The following CACNA2D3 variants were observed in gnomAD, a reference collection of about 807,000 sequenced individuals.
CACNA2D3 encodes the protein voltage-dependent calcium channel subunit alpha-2/delta-3.
Under a neutral mutation model 160.6 loss-of-function variants are expected in CACNA2D3, and 60 were observed. The ratio of observed to expected loss-of-function variants is 0.37; its 90% CI spans 0.30 to 0.46. The LOEUF (loss-of-function observed/expected upper bound fraction) is 0.46. Ranked by LOEUF, CACNA2D3 falls within the 20% of genes least tolerant of loss-of-function variation. CACNA2D3 has a pLI of 1.00. For synonymous variants in CACNA2D3, 558 were observed against 492.9 expected (o/e 1.13, Z -1.75); for missense variants, 1,205 against 1,365.0 (o/e 0.88, Z 1.85).
At chr3:54,949,726 G>C (rs889907633) in intron 27 of CACNA2D3, among the ~76,000 whole-genome samples, 2 of 152,172 alleles carry the variant, frequency 1.3e-5, no homozygotes, top group Admixed American at 6.5e-5. Context: ...AACTGGTTTT[G>C]CAGGGGCACA....
intron 27 of CACNA2D3, among the ~76,000 whole-genome samples, chr3:54,942,349 T>C (rs1701493077): frequency 1.3e-5 from 2 of 152,220 alleles, no homozygotes; most frequent in Admixed American, 6.5e-5. Context: ...CCCTGAGTTC[T>C]GCCATCCCCT....
At chr3:55,037,549 A>AG (rs1703850917) in intron 35 of CACNA2D3, among the ~76,000 whole-genome samples, 1 of 152,204 alleles carries the variant, frequency 6.6e-6, no homozygotes, top group African/African-American at 2.4e-5. Context: ...GATAAACCAA[A>AG]GCCAGGATGC....
At chr3:54,232,402 A>G (rs755378377) in intron 2 of CACNA2D3, among the ~76,000 whole-genome samples, 51 of 152,182 alleles carry the variant, frequency 3.4e-4, no homozygotes, top group Non-Finnish European at 4.9e-4. Flanking sequence ...CACTGCTCTC[A>G]TGTCAATACC....
chr3:54,814,974 A>G (rs548659606), intron 13 of CACNA2D3, among the ~76,000 whole-genome samples: 52 of 152,320 alleles, frequency 3.4e-4, no homozygotes, highest in African/African-American at 1.1e-3. Flanking sequence ...CGACACAAAC[A>G]CTTTCCTAAG....
At chr3:54,588,488 G>T (rs960243241) in intron 9 of CACNA2D3, among the ~76,000 whole-genome samples, 2 of 152,060 alleles carry the variant, frequency 1.3e-5, no homozygotes, top group African/African-American at 4.8e-5. Context: ...AGGCATACGG[G>T]TTACAAAGGA....
intron 3 of CACNA2D3, among the ~76,000 whole-genome samples, chr3:54,375,568 A>C (rs1197205293): frequency 6.6e-6 from 1 of 152,132 alleles, no homozygotes; most frequent in Non-Finnish European, 1.5e-5. Flanking sequence ...GCAGGATGAC[A>C]GAGACAAGTT....
chr3:55,000,847 A>T (rs1308833712), intron 31 of CACNA2D3, among the ~76,000 whole-genome samples: 1 of 152,114 alleles, frequency 6.6e-6, no homozygotes, highest in Non-Finnish European at 1.5e-5. Context: ...ACATTCCAAT[A>T]AGACCCTGGG....
chr3:54,362,065 A>G (rs1383860829), intron 3 of CACNA2D3, among the ~76,000 whole-genome samples: 1 of 152,174 alleles, frequency 6.6e-6, no homozygotes, highest in Non-Finnish European at 1.5e-5. Context: ...CAACACCACA[A>G]TTAGTAGGCA....
intron 3 of CACNA2D3, among the ~76,000 whole-genome samples, chr3:54,328,537 C>T (rs1211911272): frequency 6.6e-6 from 1 of 152,208 alleles, no homozygotes; most frequent in Non-Finnish European, 1.5e-5. Context: ...CCACCTCGGC[C>T]TCCCAAAGTA....
intron 35 of CACNA2D3, 88 bp downstream of exon 35, chr3:55,018,405 A>T (rs1466534571): frequency 4.0e-6 from 3 of 747,680 alleles, no homozygotes; most frequent in Non-Finnish European, 7.1e-6. Context: ...TTGCAGGCAC[A>T]GTTACACCAA....
intron 5 of CACNA2D3, among the ~76,000 whole-genome samples, chr3:54,551,893 A>G (rs1702163737): frequency 6.6e-6 from 1 of 152,186 alleles, no homozygotes. Flanking sequence ...AAAAGGAAGG[A>G]GTGGGTTCCT....
At chr3:54,761,421 A>T (rs963170639) in intron 12 of CACNA2D3, among the ~76,000 whole-genome samples, 1 of 152,214 alleles carries the variant, frequency 6.6e-6, no homozygotes, top group Admixed American at 6.5e-5. Context: ...TAAAGAAGAG[A>T]TGAAATATTT....
At chr3:54,880,942 C>CAAG in intron 21 of CACNA2D3, 79 bp downstream of exon 21, 1 of 1,225,216 alleles carries the variant, frequency 8.2e-7, no homozygotes, top group Non-Finnish European at 1.2e-6. Context: ...AGCTGAAGAA[C>CAAG]TTGTTCATCT....
intron 17 of CACNA2D3, among the ~76,000 whole-genome samples, chr3:54,850,226 T>C (rs550696052): frequency 2.6e-5 from 4 of 152,282 alleles, no homozygotes; most frequent in Non-Finnish European, 5.9e-5. Context: ...CTCAGTCCTG[T>C]GTTAGACTGA....
In CACNA2D3 at chr3:54,368,693, C is replaced by CTTTTTTT. The variant is rs33976949; in HGVS notation, c.322-18002_322-17996dup. ...CAAGGTAATATTTGGGGGTAGGGTT[C>CTTTTTTT]TTTTTTTTTTTTTTTTTTTTTTTTT... On this transcript the variant is annotated intron_variant, in intron 3 of 37. Coordinates refer to ENST00000474759, the MANE Select transcript of CACNA2D3 (RefSeq NM_018398.3). 8.4e-5 allele frequency among the ~76,000 whole-genome samples: 6 copies of CTTTTTTT among 71,538 alleles called. 1 individual carries two copies. The highest frequency in any genetic ancestry group is 1.3e-4 in the Non-Finnish European group (5 of 37,896). The allele number at this position is 71,538 out of a possible 152,430, so 46.9% of individuals were successfully genotyped here. A position where few individuals can be genotyped will look rare whatever the true frequency, so the allele number is the denominator to read the frequency against.
intron 2 of CACNA2D3, among the ~76,000 whole-genome samples, chr3:54,248,309 C>T (rs1022370504): frequency 1.3e-5 from 2 of 151,786 alleles, no homozygotes; most frequent in Non-Finnish European, 2.9e-5. Context: ...AGTGAAACCC[C>T]GTCCCTACTA....
At chr3:54,393,933 C>G (rs76183499) in intron 4 of CACNA2D3, among the ~76,000 whole-genome samples, 2,718 of 152,292 alleles carry the variant, frequency 0.018, 31 homozygotes, top group Non-Finnish European at 0.028. Flanking sequence ...TTCCAGGATG[C>G]AAGCAGCAGC....
At chr3:54,410,514 T>G (rs1005359592) in intron 4 of CACNA2D3, among the ~76,000 whole-genome samples, 5 of 152,166 alleles carry the variant, frequency 3.3e-5, no homozygotes, top group Admixed American at 3.3e-4. Context: ...TTAAGAGTTA[T>G]GCTAAATCTA....
intron 13 of CACNA2D3, among the ~76,000 whole-genome samples, chr3:54,779,690 G>T (rs2107127239): frequency 6.6e-6 from 1 of 152,200 alleles, no homozygotes; most frequent in South Asian, 2.1e-4. Context: ...GAACTGGAAA[G>T]ACTCCCCTGC....
Sources: gnomAD v4.1 joint callset for allele counts (sites outside exome capture counted in the v4.1 genomes callset) on GRCh38, gnomAD v4.1.1 for gene constraint, MANE v1.5 for transcripts, NCBI Gene and HGNC (gene_info 2026-07-23, HGNC 2026-07-21) for gene names.